Variants in TNFAIP8 observed in about 807,000 individuals in gnomAD.
TNFAIP8 encodes tumor necrosis factor alpha-induced protein 8.
A neutral mutation model predicts 13.3 loss-of-function variants in TNFAIP8; 7 were observed. That is an observed-to-expected ratio of 0.52 (90% CI 0.30 to 0.99). TNFAIP8 has a LOEUF of 0.99. TNFAIP8 is among the 50% of genes least tolerant of loss of function. The probability of loss-of-function intolerance (pLI) is 0.07; values close to 1 mark genes in which losing one functional copy is unlikely to be tolerated. For synonymous variants in TNFAIP8, 94 were observed against 87.6 expected (o/e 1.07, Z -0.41); for missense variants, 258 against 236.9 (o/e 1.09, Z -0.58).
chr5:119,381,281 T>C (rs2112839655), intron 1 of TNFAIP8, among the ~76,000 whole-genome samples: 1 of 152,302 alleles, frequency 6.6e-6, no homozygotes, highest in African/African-American at 2.4e-5. Context: ...TGGTTCACGC[T>C]TGTAATCCCA....
At chr5:119,336,965 A>G (rs1446013143) in intron 1 of TNFAIP8, among the ~76,000 whole-genome samples, 14 of 152,082 alleles carry the variant, frequency 9.2e-5, no homozygotes, top group Non-Finnish European at 5.9e-5. Flanking sequence ...TCTCCTTTAG[A>G]TCTTATGACC....
At chr5:119,346,366 C>T (rs958759113) in intron 1 of TNFAIP8, among the ~76,000 whole-genome samples, 24 of 152,030 alleles carry the variant, frequency 1.6e-4, no homozygotes, top group African/African-American at 5.6e-4. Flanking sequence ...AAGAGTGTAC[C>T]GGAACCAGGA....
intron 1 of TNFAIP8, among the ~76,000 whole-genome samples, chr5:119,384,012 T>C (rs1008614482): frequency 6.6e-6 from 1 of 152,222 alleles, no homozygotes; most frequent in Non-Finnish European, 1.5e-5. Context: ...AAGCTTCTTT[T>C]CTTAAGCTCA....
chr5:119,313,833 C>T (rs547499344), intron 1 of TNFAIP8, among the ~76,000 whole-genome samples: 135 of 152,360 alleles, frequency 8.9e-4, no homozygotes, highest in African/African-American at 3.1e-3. Flanking sequence ...CATTTTGCAT[C>T]TCACTTAGCT....
Position 119,356,034 on chromosome 5 carries a change from G to A in TNFAIP8, c.-57G>A, listed in dbSNP as rs548123877. On this transcript the variant is annotated 5_prime_UTR_variant, in exon 1 of 2. Transcript: ENST00000504771. The stretch of plus-strand genomic sequence containing the variant: ...GGATTTCGCTGCAGAGCGAACTTGC[G>A]GCTCGTCCGAGTACATGTGAGCGGT... 1,291 of 1,542,374 alleles carry A rather than the reference G, an allele frequency of 8.4e-4. 3 individuals carry two copies. The highest frequency in any genetic ancestry group is 1.1e-3 in the Non-Finnish European group (1,211 of 1,140,234).
intron 1 of TNFAIP8, among the ~76,000 whole-genome samples, chr5:119,379,703 A>G (rs1392595488): frequency 6.6e-6 from 1 of 152,088 alleles, no homozygotes; most frequent in Non-Finnish European, 1.5e-5. Context: ...CAATCCTCCC[A>G]GCCCAGCCTC....
chr5:119,321,336 T>C (rs1316129394), intron 1 of TNFAIP8, among the ~76,000 whole-genome samples: 1 of 152,226 alleles, frequency 6.6e-6, no homozygotes, highest in East Asian at 1.9e-4. Flanking sequence ...CATATTTTGT[T>C]ACTGGGTATA....
chr5:119,289,802 A>G (rs940647822), intron 1 of TNFAIP8, among the ~76,000 whole-genome samples: 3 of 152,232 alleles, frequency 2.0e-5, no homozygotes, highest in East Asian at 1.9e-4. Context: ...AAGTGAGGCG[A>G]GATCTCTCTA....
chr5:119,270,723 G>T (rs539153061), intron 1 of TNFAIP8, among the ~76,000 whole-genome samples: 140 of 152,294 alleles, frequency 9.2e-4, no homozygotes, highest in African/African-American at 3.2e-3. Flanking sequence ...CTACTCCTCT[G>T]TAAAATATGA....
At chr5:119,311,688 C>CAAAAAAAAAAAAAAAAAAAAAAAAAA (rs55965350) in intron 1 of TNFAIP8, among the ~76,000 whole-genome samples, 3 of 66,684 alleles carry the variant, frequency 4.5e-5, no homozygotes, top group African/African-American at 1.9e-4. Context: ...GACTCCGTCT[C>CAAAAAAAAAAAAAAAAAAAAAAAAAA]AAAAAAAAAA....
intron 1 of TNFAIP8, among the ~76,000 whole-genome samples, chr5:119,272,878 G>T (rs1748331000): frequency 6.6e-6 from 1 of 152,184 alleles, no homozygotes; most frequent in African/African-American, 2.4e-5. Context: ...CAAGGTGACG[G>T]GGGGCTAGGT....
chr5:119,279,232 C>T (rs922862157), intron 1 of TNFAIP8, among the ~76,000 whole-genome samples: 3 of 152,206 alleles, frequency 2.0e-5, no homozygotes, highest in Admixed American at 2.0e-4. Context: ...CTGGGATTTA[C>T]ACTCTGGTGG....
chr5:119,319,862 G>A (rs1750003046), intron 1 of TNFAIP8, among the ~76,000 whole-genome samples: 1 of 152,188 alleles, frequency 6.6e-6, no homozygotes, highest in Admixed American at 6.5e-5. Flanking sequence ...TAACAAGGTG[G>A]GACAGGAGTT....
At chr5:119,358,400 G>C (rs951866448) in intron 1 of TNFAIP8, among the ~76,000 whole-genome samples, 3 of 152,068 alleles carry the variant, frequency 2.0e-5, no homozygotes. Context: ...TCTGTGCCAG[G>C]GGTGCTGGAT....
rs896534269 is a variant in TNFAIP8, at chr5:119,393,516, A to T, written c.*135A>T. On this transcript the variant is annotated 3_prime_UTR_variant, in exon 2 of 2. Transcript: ENST00000504771. ...ACTTTACCCAATTCAGTTGTCAGAC[A>T]TAATGATTTATTTGAAGGCTTGTTT... 5 of 933,360 alleles carry T rather than the reference A, an allele frequency of 5.4e-6. No homozygotes were observed. The East Asian group carries it at 1.3e-4, about 24-fold the overall frequency. 57.8% of individuals were successfully genotyped at this position (933,360 alleles called of 1,614,324 possible).
intron 1 of TNFAIP8, among the ~76,000 whole-genome samples, chr5:119,339,241 C>T (rs898518325): frequency 2.6e-5 from 4 of 152,152 alleles, no homozygotes; most frequent in Non-Finnish European, 5.9e-5. Context: ...AAGCCCCCAA[C>T]ACATTTCTGA....
intron 1 of TNFAIP8, among the ~76,000 whole-genome samples, chr5:119,315,892 G>T (rs1749879372): frequency 6.6e-6 from 1 of 152,092 alleles, no homozygotes; most frequent in African/African-American, 2.4e-5. Context: ...AAATGAACTT[G>T]GCATTTCTCT....
At chr5:119,365,807 C>T (rs899475034) in intron 1 of TNFAIP8, among the ~76,000 whole-genome samples, 1 of 152,040 alleles carries the variant, frequency 6.6e-6, no homozygotes, top group African/African-American at 2.4e-5. Flanking sequence ...TCTAAACATT[C>T]GACTCAACAT....
chr5:119,315,032 C>T (rs948366158), intron 1 of TNFAIP8, among the ~76,000 whole-genome samples: 26 of 151,996 alleles, frequency 1.7e-4, no homozygotes, highest in African/African-American at 5.3e-4. Flanking sequence ...CAGGCACTCA[C>T]CACTACGCCC....
Sources: gnomAD v4.1 joint callset for allele counts (sites outside exome capture counted in the v4.1 genomes callset) on GRCh38, gnomAD v4.1.1 for gene constraint, MANE v1.5 for transcripts, NCBI Gene and HGNC (gene_info 2026-07-23, HGNC 2026-07-21) for gene names.